Variants in MYOF observed in about 807,000 individuals in gnomAD.
MYOF encodes fer-1-like 3, myoferlin.
In MYOF, 244 loss-of-function variants were observed where a neutral mutation model predicts 284.2. The observed-to-expected ratio is 0.86, with a 90% CI of 0.77 to 0.95. MYOF has a LOEUF of 0.95. Among genes scored for constraint, MYOF ranks in the 40% least tolerant of loss-of-function variants. The pLI is 0.00. For synonymous variants in MYOF, 904 were observed against 919.7 expected (o/e 0.98, Z 0.31); for missense variants, 2,496 against 2,560.6 (o/e 0.97, Z 0.54).
At position 93,351,188 on chromosome 10, in the gene MYOF, G is replaced by A. The variant is rs765678190; in HGVS notation, c.3921+9C>T. On this transcript the variant is annotated intron_variant, in intron 35 of 53. Coordinates refer to ENST00000359263, the MANE Select transcript of MYOF (RefSeq NM_013451.4). ...TGATTTGATGAGTAACACGTGGGGA[G>A]CAGCATACCTCAATGGCAGTGAGCT... 10 of 1,612,910 alleles carry A rather than the reference G, an allele frequency of 6.2e-6. No homozygotes were observed. In the South Asian group the frequency reaches 1.1e-4, roughly 18 times the overall value.
Position 93,392,917 on chromosome 10 carries a change from C to A in MYOF, c.1456G>T (p.Val486Leu). ...GAGAGCAAAATTACGAAGCATAAAC[C>A]TGTATATGATGCAGCCCCAGTTCCC... The part of the protein sequence containing the change: ...SSGTGAASYT[V>L]NTGETEVGFV... Residue 486 changes from valine to leucine, a missense_variant and splice_region_variant, in exon 17 of 54, where the codon GTA (valine) becomes TTA (leucine). Val to Leu is a conservative substitution (Grantham distance 32). This residue lies in a region of MYOF where 2,436 missense variants were observed against 2,480.7 expected (regional missense o/e 0.98). Transcript: ENST00000359263. 2 of 1,611,064 alleles carry A rather than the reference C, an allele frequency of 1.2e-6. No homozygotes were observed. Among genetic ancestry groups the A allele is most frequent in the South Asian group, 2.2e-5 (2 of 90,944 alleles).
At chr10:93,381,726 G>A (rs1846124050) in intron 19 of MYOF, among the ~76,000 whole-genome samples, 1 of 152,128 alleles carries the variant, frequency 6.6e-6, no homozygotes, top group South Asian at 2.1e-4. Flanking sequence ...GTCCATATGT[G>A]CAACCATGAA....
intron 2 of MYOF, among the ~76,000 whole-genome samples, chr10:93,453,718 C>T (rs1332612917): frequency 2.6e-5 from 4 of 151,982 alleles, no homozygotes; most frequent in Non-Finnish European, 5.9e-5. Flanking sequence ...GATTCTGTCT[C>T]TGTGAAAAAT....
At chr10:93,317,764 C>T (rs554854238) in intron 49 of MYOF, among the ~76,000 whole-genome samples, 1 of 152,318 alleles carries the variant, frequency 6.6e-6, no homozygotes, top group Admixed American at 6.5e-5. Context: ...GCCTCCATTG[C>T]CTCAGACAAT....
At chr10:93,331,468 G>A (rs948967337) in intron 43 of MYOF, among the ~76,000 whole-genome samples, 1 of 152,124 alleles carries the variant, frequency 6.6e-6, no homozygotes, top group African/African-American at 2.4e-5. Context: ...CTTGTGCCTG[G>A]CTCCTCTGAG....
At chr10:93,408,197 G>GCTTTTAGATATCTAAAAGCTAGATAT (rs1460459149) in intron 7 of MYOF, among the ~76,000 whole-genome samples, 4 of 152,038 alleles carry the variant, frequency 2.6e-5, no homozygotes, top group Non-Finnish European at 4.4e-5. Context: ...ACATCATTTA[G>GCTTTTAGATATCTAAAAGCTAGATAT]CTTTTAGATA....
intron 7 of MYOF, among the ~76,000 whole-genome samples, chr10:93,405,578 G>A (rs1847517549): frequency 6.6e-6 from 1 of 152,244 alleles, no homozygotes; most frequent in African/African-American, 2.4e-5. Context: ...ACAGGCGTGA[G>A]CCACCATGCC....
chr10:93,406,288 T>C, intron 7 of MYOF, among the ~76,000 whole-genome samples: 1 of 58,148 alleles, frequency 1.7e-5, no homozygotes, highest in East Asian at 2.1e-3. Context: ...TAAACCTCTT[T>C]TATATATATA....
At chr10:93,433,500 C>T (rs887846060) in intron 3 of MYOF, among the ~76,000 whole-genome samples, 1 of 152,192 alleles carries the variant, frequency 6.6e-6, no homozygotes, top group Non-Finnish European at 1.5e-5. Context: ...TATATCCTGT[C>T]TACATCGGCA....
At chr10:93,447,851 G>A (rs533980591) in intron 3 of MYOF, among the ~76,000 whole-genome samples, 1 of 152,252 alleles carries the variant, frequency 6.6e-6, no homozygotes, top group South Asian at 2.1e-4. Context: ...TGTTTTCAAT[G>A]GGTCTAAAAT....
intron 37 of MYOF, among the ~76,000 whole-genome samples, chr10:93,344,877 C>T (rs1844111549): frequency 6.6e-6 from 1 of 151,952 alleles, no homozygotes; most frequent in Non-Finnish European, 1.5e-5. Context: ...CATGCCCTGA[C>T]TTTATGTACA....
At chr10:93,411,314 T>A (rs1312896897) in intron 5 of MYOF, among the ~76,000 whole-genome samples, 1 of 152,204 alleles carries the variant, frequency 6.6e-6, no homozygotes, top group Non-Finnish European at 1.5e-5. Flanking sequence ...GGCCCACTTC[T>A]TGGTTTGCAG....
intron 53 of MYOF, 24 bp from the exon 54 acceptor site, chr10:93,307,025 G>GT (rs1842130934): frequency 1.2e-6 from 2 of 1,600,628 alleles, no homozygotes; most frequent in African/African-American, 1.3e-5. Context: ...AAAAACAGTG[G>GT]TAAAAAAACA....
intron 12 of MYOF, among the ~76,000 whole-genome samples, chr10:93,399,764 C>T (rs1217864079): frequency 6.6e-6 from 1 of 151,972 alleles, no homozygotes; most frequent in South Asian, 2.1e-4. Context: ...CCCAGCTACT[C>T]GGGAGGCTGA....
At chr10:93,334,116 G>C (rs1455394951) in intron 41 of MYOF, among the ~76,000 whole-genome samples, 1 of 152,182 alleles carries the variant, frequency 6.6e-6, no homozygotes, top group Non-Finnish European at 1.5e-5. Flanking sequence ...AGCTCACAGG[G>C]GAGAAGAGAG....
At chr10:93,342,465 G>T (rs1843967595) in intron 38 of MYOF, among the ~76,000 whole-genome samples, 1 of 152,136 alleles carries the variant, frequency 6.6e-6, no homozygotes, top group Non-Finnish European at 1.5e-5. Context: ...AGGAGAGCGA[G>T]CTGATTAAAG....
At chr10:93,355,794 A>C in intron 30 of MYOF, 58 bp from the exon 31 acceptor site, 1 of 1,289,244 alleles carries the variant, frequency 7.8e-7, no homozygotes, top group South Asian at 1.2e-5. Context: ...GCCTAAAAGC[A>C]AATCAACCAA....
intron 3 of MYOF, among the ~76,000 whole-genome samples, chr10:93,433,616 G>A (rs367604508): frequency 2.6e-5 from 4 of 152,196 alleles, no homozygotes; most frequent in African/African-American, 4.8e-5. Context: ...CAAAATATCC[G>A]GGTGAGGAAA....
intron 53 of MYOF, 69 bp downstream of exon 53, chr10:93,309,951 A>T: frequency 6.3e-7 from 1 of 1,590,004 alleles, no homozygotes; most frequent in Non-Finnish European, 8.6e-7. Flanking sequence ...GTCAGGGCAG[A>T]TGCCAAGGGA....
Sources: allele counts gnomAD v4.1 joint callset (sites outside exome capture counted in the v4.1 genomes callset), GRCh38; gene constraint gnomAD v4.1.1; regional missense constraint gnomAD v4.1.1; transcripts MANE v1.5; gene names NCBI Gene and HGNC (gene_info 2026-07-23, HGNC 2026-07-21).